The following PDE4C variants were observed in gnomAD, a reference collection of about 807,000 sequenced individuals.
The protein encoded by PDE4C is phosphodiesterase 4C.
PDE4C carries 50 observed loss-of-function variants against 63.9 expected under a neutral mutation model. The observed-to-expected ratio is 0.78, with a 90% CI of 0.62 to 0.99. The LOEUF (loss-of-function observed/expected upper bound fraction) is 0.99, where lower values mean the gene tolerates loss of function less well. Among genes scored for constraint, PDE4C ranks in the 50% least tolerant of loss-of-function variants. The probability of loss-of-function intolerance (pLI) is 0.00; values close to 1 mark genes in which losing one functional copy is unlikely to be tolerated. For synonymous variants in PDE4C, 377 were observed against 385.1 expected (o/e 0.98, Z 0.25); for missense variants, 777 against 899.1 (o/e 0.86, Z 1.74).
intron 11 of PDE4C, 70 bp from the exon 12 acceptor site, chr19:18,216,965 G>A (rs1419896618): frequency 6.6e-7 from 1 of 1,512,100 alleles, no homozygotes; most frequent in Non-Finnish European, 8.9e-7. Context: ...AGCAGCTTTT[G>A]GAAATCCTTA....
chr19:18,218,845 G>A (rs1968330697), intron 9 of PDE4C, 95 bp downstream of exon 9: 1 of 911,932 alleles, frequency 1.1e-6, no homozygotes, highest in Admixed American at 1.7e-5. Context: ...ATGTCAGGGA[G>A]GATTTGAAAA....
upstream of PDE4C, among the ~76,000 whole-genome samples, chr19:18,227,410 C>A (rs1968762601): frequency 6.6e-6 from 1 of 152,162 alleles, no homozygotes; most frequent in Non-Finnish European, 1.5e-5. Flanking sequence ...CTCCTGCTGT[C>A]TCCTCCTAGA....
intron 1 of PDE4C, among the ~76,000 whole-genome samples, chr19:18,248,019 C>T (rs1009323826): frequency 2.0e-5 from 3 of 152,182 alleles, no homozygotes; most frequent in African/African-American, 7.2e-5. Context: ...GAAACAAGGT[C>T]TCCTGGCCCC....
chr19:18,208,037 G>T (rs999807462), downstream of PDE4C: 1 of 151,912 alleles, frequency 6.6e-6, no homozygotes, highest in Admixed American at 6.6e-5. Flanking sequence ...AGCGAACATG[G>T]TATTACTTTG....
chr19:18,233,297 C>T (rs1384445472), exon 1 of PDE4C: 3 of 1,482,658 alleles, frequency 2.0e-6, no homozygotes, highest in Non-Finnish European at 1.8e-6. Context: ...GGAGTGGAGG[C>T]GACAGCGAGG....
exon 1 of PDE4C, chr19:18,233,074 T>A: frequency 1.3e-6 from 2 of 1,570,946 alleles, no homozygotes; most frequent in East Asian, 2.3e-5. Flanking sequence ...TGGATGCGGA[T>A]GGGGCGCCGG....
chr19:18,221,526 C>A (rs4808763), intron 2 of PDE4C, among the ~76,000 whole-genome samples: 85,487 of 151,828 alleles, frequency 0.56, 24,926 homozygotes, highest in Non-Finnish European at 0.63. Flanking sequence ...CCTAGGGGTA[C>A]GTAGATATTT....
the PDE4C span, among the ~76,000 whole-genome samples, chr19:18,254,325 C>CT: frequency 2.6e-5 from 4 of 152,172 alleles, no homozygotes; most frequent in Admixed American, 1.3e-4. Context: ...TGAGGAAAAG[C>CT]TGTGGACTTG....
chr19:18,248,650 C>T (rs1969179908), upstream of PDE4C, among the ~76,000 whole-genome samples: 1 of 152,056 alleles, frequency 6.6e-6, no homozygotes, highest in African/African-American at 2.4e-5. Flanking sequence ...AAGCAGAGCC[C>T]ATGGGGTGTG....
chr19:18,218,876 T>A (rs1968331838), intron 9 of PDE4C, 64 bp downstream of exon 9: 1 of 1,129,012 alleles, frequency 8.9e-7, no homozygotes, highest in South Asian at 1.2e-5. Flanking sequence ...CTGAGGTCTG[T>A]GGTAGGAAGC....
At chr19:18,218,971 G>T (rs769991817) in exon 9 of PDE4C, 1 of 1,613,682 alleles carries the variant, frequency 6.2e-7, no homozygotes, top group East Asian at 2.2e-5. Flanking sequence ...AGCTGTGAGG[G>T]GCCGGTTCCC....
At chr19:18,224,646 G>A (rs1968647221) in intron 1 of PDE4C, among the ~76,000 whole-genome samples, 1 of 152,254 alleles carries the variant, frequency 6.6e-6, no homozygotes, top group Non-Finnish European at 1.5e-5. Context: ...CGCTCGGGCC[G>A]GGTCGGGCAT....
At chr19:18,252,407 G>A (rs1345941802), upstream of PDE4C, 9 of 398,976 alleles carry the variant, frequency 2.3e-5, no homozygotes, top group East Asian at 3.6e-5. Context: ...TGCTGTGGGC[G>A]AAGGGAGAAG....
chr19:18,245,443 G>A (rs1228392801), intron 1 of PDE4C, among the ~76,000 whole-genome samples: 1 of 152,188 alleles, frequency 6.6e-6, no homozygotes, highest in East Asian at 1.9e-4. Flanking sequence ...GGGATTACAT[G>A]TGTGAGCCAC....
chr19:18,226,188 C>T, intron 1 of PDE4C, 82 bp downstream of exon 1: 1 of 1,198,280 alleles, frequency 8.3e-7, no homozygotes, highest in East Asian at 2.7e-5. Context: ...CCAGCTGTCC[C>T]TGGCCTTGTC....
In PDE4C at chr19:18,220,975, C is replaced by A; in HGVS notation, c.450-52G>T. The A allele has an allele frequency of 1.3e-6, 2 of 1,567,196 alleles. No individual in the cohort carries two copies. Among genetic ancestry groups the A allele is most frequent in the Non-Finnish European group, 1.7e-6 (2 of 1,156,506 alleles). ...CTGCTCCGCCCATCTCGCCCCGCCCCCAAGTCCACCAGGCCCCGCCCCTCA... is the reference window on the plus strand; with the variant it reads ...CTGCTCCGCCCATCTCGCCCCGCCCACAAGTCCACCAGGCCCCGCCCCTCA... On this transcript the variant is annotated intron_variant, in intron 4 of 14. Coordinates refer to ENST00000262805, the Ensembl canonical transcript of PDE4C. The surrounding 1 kb of genome is among the most constrained non-coding windows in gnomAD (Gnocchi z 5.1).
At chr19:18,234,417 C>T (rs372161723), upstream of PDE4C, among the ~76,000 whole-genome samples, 56 of 152,302 alleles carry the variant, frequency 3.7e-4, no homozygotes, top group African/African-American at 1.3e-3. Context: ...AAACTCAAGT[C>T]TCCACCCACC....
upstream of PDE4C, among the ~76,000 whole-genome samples, chr19:18,251,312 G>T (rs886575309): frequency 1.7e-4 from 25 of 151,220 alleles, no homozygotes; most frequent in African/African-American, 6.1e-4. Flanking sequence ...TTTTAGTAGA[G>T]ACGGGGTTTC....
upstream of PDE4C, among the ~76,000 whole-genome samples, chr19:18,251,702 C>CCCG (rs1969232073): frequency 2.1e-5 from 3 of 141,792 alleles, no homozygotes; most frequent in Admixed American, 7.1e-5. Flanking sequence ...CGCCCCCGCC[C>CCCG]TCGGCCTCCC....
Sources: gnomAD v4.1 joint callset for allele counts (sites outside exome capture counted in the v4.1 genomes callset) on GRCh38, gnomAD v4.1.1 for gene constraint, Gnocchi (gnomAD v3.1) non-coding constraint, MANE v1.5 for transcripts, NCBI Gene and HGNC (gene_info 2026-07-23, HGNC 2026-07-21) for gene names.